ADAMTSL1: variants seen among roughly 807,000 people sequenced by gnomAD.
ADAMTSL1 encodes the protein ADAMTS-like protein 1.
Under a neutral mutation model 201.8 loss-of-function variants are expected in ADAMTSL1, and 126 were observed. The ratio of observed to expected loss-of-function variants is 0.62; its 90% CI spans 0.54 to 0.72. The LOEUF (loss-of-function observed/expected upper bound fraction) is 0.72. ADAMTSL1 is among the 30% of genes least tolerant of loss of function. ADAMTSL1 has a pLI of 0.00. For missense variants in ADAMTSL1, 2,679 were observed against 2,277.8 expected (o/e 1.18, Z -3.59); for synonymous variants, 1,121 against 903.4 (o/e 1.24, Z -4.32).
At chr9:18,872,571 G>C (rs544583406) in intron 23 of ADAMTSL1, among the ~76,000 whole-genome samples, 2 of 152,258 alleles carry the variant, frequency 1.3e-5, no homozygotes, top group African/African-American at 4.8e-5. Context: ...CCACTTATGA[G>C]TGAGAACATA....
At chr9:18,309,225 A>C (rs1834024428) in intron 2 of ADAMTSL1, among the ~76,000 whole-genome samples, 1 of 152,208 alleles carries the variant, frequency 6.6e-6, no homozygotes, top group Admixed American at 6.5e-5. Context: ...CCCACAGCCA[A>C]TATCTTACTG....
intron 2 of ADAMTSL1, among the ~76,000 whole-genome samples, chr9:18,335,138 T>C (rs1175319626): frequency 6.6e-6 from 1 of 152,168 alleles, no homozygotes; most frequent in Non-Finnish European, 1.5e-5. Context: ...AGATCTTTGA[T>C]AAAGATATGT....
intron 14 of ADAMTSL1, chr9:18,718,591 C>G: frequency 2.4e-6 from 1 of 416,398 alleles, no homozygotes; most frequent in South Asian, 1.8e-5. Flanking sequence ...GCCAGTGTCA[C>G]TCCCTCCGGG....
At position 18,753,429 on chromosome 9, in the gene ADAMTSL1, G is replaced by A. The variant is rs766340602; in HGVS notation, c.2138G>A (p.Arg713His). The A allele has an allele frequency of 6.8e-6, 11 of 1,613,302 alleles. No homozygotes were observed. The highest frequency in any genetic ancestry group is 2.2e-5 in the East Asian group (1 of 44,836). Residue 713 changes from arginine (R) to histidine (H), a missense_variant, in exon 16 of 29, where the codon CGC becomes CAC. Arg to His is a conservative substitution (Grantham distance 29, BLOSUM62 0). Coordinates refer to ENST00000380548, the MANE Select transcript of ADAMTSL1 (RefSeq NM_001040272.6). The part of the protein sequence containing the change: ...ETVILADELC[R>H]QPKPSTVQAC... ...GTCATCCTGGCTGATGAGCTGTGTCGCCAGCCCAAGCCCAGCACGGTGCAA... is the reference window on the plus strand; with the variant it reads ...GTCATCCTGGCTGATGAGCTGTGTCACCAGCCCAAGCCCAGCACGGTGCAA...
At chr9:18,174,580 T>A (rs1828054210) in intron 2 of ADAMTSL1, among the ~76,000 whole-genome samples, 1 of 152,200 alleles carries the variant, frequency 6.6e-6, no homozygotes, top group Non-Finnish European at 1.5e-5. Flanking sequence ...CTCCTAGAAT[T>A]TTAAAATTTT....
intron 26 of ADAMTSL1, among the ~76,000 whole-genome samples, chr9:18,903,121 C>A (rs1830103733): frequency 6.6e-6 from 1 of 152,144 alleles, no homozygotes; most frequent in Admixed American, 6.5e-5. Context: ...TCAGGAATTG[C>A]TTGAACCCAG....
At chr9:18,265,256 C>T (rs113878199) in intron 2 of ADAMTSL1, among the ~76,000 whole-genome samples, 15 of 152,138 alleles carry the variant, frequency 9.9e-5, no homozygotes, top group East Asian at 5.8e-4. Flanking sequence ...CTCTTCTTCC[C>T]GGATACTCTT....
chr9:18,383,986 T>C (rs1837675394), intron 2 of ADAMTSL1, among the ~76,000 whole-genome samples: 1 of 152,190 alleles, frequency 6.6e-6, no homozygotes, highest in Non-Finnish European at 1.5e-5. Context: ...GTGATACTGC[T>C]GCTCATTGCT....
At chr9:18,352,352 T>G (rs1186287451) in intron 2 of ADAMTSL1, among the ~76,000 whole-genome samples, 2 of 152,206 alleles carry the variant, frequency 1.3e-5, no homozygotes, top group Non-Finnish European at 2.9e-5. Flanking sequence ...GATTTGTAAG[T>G]AGTCTTTGGA....
intron 23 of ADAMTSL1, among the ~76,000 whole-genome samples, chr9:18,837,863 A>G (rs1825416095): frequency 6.6e-6 from 1 of 152,150 alleles, no homozygotes; most frequent in African/African-American, 2.4e-5. Context: ...CTACCTTATT[A>G]TTGGAAAGGA....
At chr9:18,094,153 G>A (rs550224039) in intron 1 of ADAMTSL1, among the ~76,000 whole-genome samples, 2 of 152,288 alleles carry the variant, frequency 1.3e-5, no homozygotes, top group South Asian at 4.2e-4. Flanking sequence ...TTGGTTGCCT[G>A]TTAAATGCCA....
chr9:18,054,886 C>T (rs1384904474), intron 1 of ADAMTSL1, among the ~76,000 whole-genome samples: 1 of 152,178 alleles, frequency 6.6e-6, no homozygotes, highest in Non-Finnish European at 1.5e-5. Flanking sequence ...CCTGCCCCCG[C>T]AATCTTTTTG....
chr9:18,465,155 C>A (rs1820955100), intron 2 of ADAMTSL1, among the ~76,000 whole-genome samples: 2 of 152,138 alleles, frequency 1.3e-5, no homozygotes, highest in South Asian at 4.2e-4. Flanking sequence ...AAGCCAGGGG[C>A]ATAATGTTTA....
chr9:18,788,792 G>C (rs868493229), intron 19 of ADAMTSL1, among the ~76,000 whole-genome samples: 90 of 151,684 alleles, frequency 5.9e-4, no homozygotes, highest in African/African-American at 2.0e-3. Flanking sequence ...TTGCTTACTT[G>C]CTCCTGAGTT....
chr9:18,494,247 T>C (rs541199640), intron 1 of ADAMTSL1, among the ~76,000 whole-genome samples: 1 of 151,174 alleles, frequency 6.6e-6, no homozygotes, highest in South Asian at 2.1e-4. Flanking sequence ...TCCCAACTAC[T>C]CAGGAGGCTG....
intron 1 of ADAMTSL1, among the ~76,000 whole-genome samples, chr9:17,970,335 C>A (rs550535680): frequency 5.9e-5 from 9 of 152,182 alleles, no homozygotes; most frequent in Admixed American, 2.0e-4. Context: ...TTACTCAGAA[C>A]ATGGCATTAT....
intron 18 of ADAMTSL1, 106 bp from the exon 19 acceptor site, chr9:18,776,675 T>C: frequency 7.9e-7 from 1 of 1,272,962 alleles, no homozygotes; most frequent in South Asian, 1.6e-5. Context: ...CCTTCTCTTC[T>C]CCACTCTGGC....
chr9:18,526,776 C>T (rs914823393), intron 2 of ADAMTSL1, among the ~76,000 whole-genome samples: 2 of 152,158 alleles, frequency 1.3e-5, no homozygotes, highest in African/African-American at 4.8e-5. Flanking sequence ...TACTGAAATG[C>T]TCATTTGATG....
chr9:18,232,401 G>T (rs570057402), intron 2 of ADAMTSL1, among the ~76,000 whole-genome samples: 1 of 152,198 alleles, frequency 6.6e-6, no homozygotes, highest in African/African-American at 2.4e-5. Context: ...TCCCATCCTG[G>T]CCTGCAACTT....
Sources: gnomAD v4.1 joint callset for allele counts (sites outside exome capture counted in the v4.1 genomes callset) on GRCh38, gnomAD v4.1.1 for gene constraint, MANE v1.5 for transcripts, NCBI Gene and HGNC (gene_info 2026-07-23, HGNC 2026-07-21) for gene names.